Variants in ARID1B observed in about 807,000 individuals in gnomAD.
The protein encoded by ARID1B is AT-rich interaction domain 1B.
ARID1B carries 30 observed loss-of-function variants against 212.3 expected under a neutral mutation model. The ratio of observed to expected loss-of-function variants is 0.14; its 90% confidence interval spans 0.11 to 0.19. The LOEUF is 0.19. Among genes scored for constraint, ARID1B ranks in the 10% least tolerant of loss-of-function variants. The pLI is 1.00. For synonymous variants in ARID1B, 1,402 were observed against 1,301.7 expected (o/e 1.08, Z -1.66); for missense variants, 2,891 against 3,204.0 (o/e 0.90, Z 2.36).
At chr6:156,950,061 T>C (rs1793460687) in intron 4 of ARID1B, among the ~76,000 whole-genome samples, 1 of 152,248 alleles carries the variant, frequency 6.6e-6, no homozygotes, top group African/African-American at 2.4e-5. Context: ...TGTTAGTGAC[T>C]AGTGTTAGAC....
At chr6:157,076,958 A>G (rs1162610766) in intron 4 of ARID1B, among the ~76,000 whole-genome samples, 1 of 152,176 alleles carries the variant, frequency 6.6e-6, no homozygotes, top group African/African-American at 2.4e-5. Context: ...TTAAGAGACT[A>G]TAATCTTTAA....
rs1354185602 is a variant in ARID1B, at chr6:156,793,132, C to T, written c.1791+13661C>T. Among the ~76,000 whole-genome samples the T allele has an allele frequency of 6.0e-4, 91 of 152,112 alleles. 1 individual carries two copies. The highest frequency in any genetic ancestry group is 2.9e-5 in the Non-Finnish European group (2 of 67,988). ...CACAGCCCTAATATCAGATTAATAC[C>T]GGGGTGGGGGCATGAGGCATGGCTG... On this transcript the variant is annotated intron_variant, in intron 1 of 19. Coordinates refer to ENST00000636930, the MANE Select transcript of ARID1B (RefSeq NM_001374828.1).
At chr6:157,119,414 T>C (rs9322597) in intron 6 of ARID1B, among the ~76,000 whole-genome samples, 109,912 of 152,118 alleles carry the variant, frequency 0.72, 40,755 homozygotes, top group East Asian at 0.9. Context: ...CAGCCCCGGC[T>C]TCCTTTGCTG....
At chr6:157,103,527 T>A (rs111853628) in intron 5 of ARID1B, among the ~76,000 whole-genome samples, 7 of 152,326 alleles carry the variant, frequency 4.6e-5, no homozygotes, top group African/African-American at 1.7e-4. Flanking sequence ...TCTCAGTCCA[T>A]CCACTGTACA....
At chr6:156,906,651 T>C (rs945534564) in intron 3 of ARID1B, among the ~76,000 whole-genome samples, 1 of 151,572 alleles carries the variant, frequency 6.6e-6, no homozygotes, top group African/African-American at 2.4e-5. Flanking sequence ...GCACCTGTTG[T>C]TTCGGGCACT....
chr6:157,149,028 C>A, intron 8 of ARID1B, 77 bp downstream of exon 8: 1 of 1,422,626 alleles, frequency 7.0e-7, no homozygotes, highest in Non-Finnish European at 9.6e-7. Flanking sequence ...CACATAGCTG[C>A]ATTGTTCCCT....
intron 4 of ARID1B, among the ~76,000 whole-genome samples, chr6:156,966,386 C>CTTTTCTTTTTTCTTTTCTTTTT (rs1794748843): frequency 5.1e-5 from 2 of 38,916 alleles, no homozygotes; most frequent in Admixed American, 2.6e-4. Flanking sequence ...CTTTTCTTTT[C>CTTTTCTTTTTTCTTTTCTTTTT]TTTTTTTTTT....
chr6:157,021,688 C>T (rs1780286182), intron 4 of ARID1B, among the ~76,000 whole-genome samples: 2 of 152,262 alleles, frequency 1.3e-5, no homozygotes, highest in East Asian at 3.9e-4. Flanking sequence ...ACATTCCTTT[C>T]CGGGCAAGCG....
At chr6:157,184,036 G>C (rs1236010676) in intron 12 of ARID1B, among the ~76,000 whole-genome samples, 195 bp from the exon 13 acceptor site, 1 of 152,172 alleles carries the variant, frequency 6.6e-6, no homozygotes, top group Non-Finnish European at 1.5e-5. Context: ...TGCTTTTTCT[G>C]TTGCCATCAG....
intron 2 of ARID1B, among the ~76,000 whole-genome samples, chr6:156,883,608 C>T (rs894153140): frequency 1.4e-4 from 21 of 152,278 alleles, no homozygotes; most frequent in Admixed American, 9.2e-4. Context: ...CCCCAGCACT[C>T]GGCCCACGCT....
chr6:157,073,818 A>G (rs1365382874), intron 4 of ARID1B, among the ~76,000 whole-genome samples: 1 of 152,238 alleles, frequency 6.6e-6, no homozygotes, highest in East Asian at 1.9e-4. Context: ...GTATTTAACG[A>G]GCACAGATCT....
intron 6 of ARID1B, among the ~76,000 whole-genome samples, chr6:157,123,238 G>GCCCCC (rs145123304): frequency 3.6e-5 from 3 of 83,586 alleles, no homozygotes; most frequent in Admixed American, 2.7e-4. Context: ...CCCGCCCCCC[G>GCCCCC]CCCCCCCCCC....
At chr6:157,169,389 G>A (rs1194504042) in intron 9 of ARID1B, 5 of 152,184 alleles carry the variant, frequency 3.3e-5, no homozygotes, top group South Asian at 2.1e-4. Context: ...ATCCTCCTGT[G>A]TAGTGACAAA....
chr6:156,863,002 G>C (rs1785442214), intron 2 of ARID1B, among the ~76,000 whole-genome samples: 1 of 152,232 alleles, frequency 6.6e-6, no homozygotes, highest in South Asian at 2.1e-4. Context: ...CTGCGCCTTA[G>C]TTGCACGTGA....
chr6:157,094,845 G>A lies in ARID1B; in HGVS notation c.2491+9940G>A, dbSNP rs1010720304. On this transcript the variant is annotated intron_variant, in intron 5 of 19. Coordinates refer to ENST00000636930, the MANE Select transcript of ARID1B (RefSeq NM_001374828.1). The surrounding 1 kb of genome is among the most constrained non-coding windows in gnomAD (Gnocchi z 4.3). ...GGAGTGTTGATGGCCGCTTGGATGT[G>A]CACATAGCGGGAGTAGTGGCAGAAG... Among the ~76,000 whole-genome samples the A allele has an allele frequency of 6.6e-6, 1 of 152,192 alleles. No individual in the cohort carries two copies. Among genetic ancestry groups the A allele is most frequent in the African/African-American group, 2.4e-5 (1 of 41,424 alleles).
intron 8 of ARID1B, chr6:157,149,184 T>C (rs1234212678): frequency 1.9e-6 from 1 of 539,994 alleles, no homozygotes; most frequent in Admixed American, 3.1e-5. Context: ...AGCACATCAG[T>C]CGTGGGAGGT....
rs536936992 is a variant in ARID1B, at chr6:157,070,613, A to G, written c.2248-14049A>G. Among the ~76,000 whole-genome samples, 3 of 152,360 alleles carry G rather than the reference A, an allele frequency of 2.0e-5. No homozygotes were observed. In the East Asian group the frequency reaches 5.8e-4, roughly 29 times the overall value. On this transcript the variant is annotated intron_variant, in intron 4 of 19. Coordinates refer to ENST00000636930, the MANE Select transcript of ARID1B (RefSeq NM_001374828.1). ...AGTGCTAAGGGTAGTCAATCAGGCC[A>G]GGAGTTCAGGTATGAAGTTCTGGAG...
In ARID1B at chr6:157,029,100, A is replaced by G. The variant is rs147665035; in HGVS notation, c.2248-55562A>G. ...ATTTTATTGCCATCAGTTTATAAGA[A>G]CTAATCCTTTTTAAGGAATTTAAGG... On this transcript the variant is annotated intron_variant, in intron 4 of 19. Coordinates refer to ENST00000636930, the MANE Select transcript of ARID1B (RefSeq NM_001374828.1). Among the ~76,000 whole-genome samples, 752 of 152,316 alleles carry G rather than the reference A, an allele frequency of 4.9e-3. 4 individuals are homozygous for G. Among genetic ancestry groups the G allele is most frequent in the African/African-American group, 0.017 (716 of 41,556 alleles).
intron 2 of ARID1B, among the ~76,000 whole-genome samples, chr6:156,891,940 C>T (rs145287269): frequency 6.8e-6 from 1 of 147,510 alleles, no homozygotes; most frequent in African/African-American, 2.5e-5. Flanking sequence ...GGCGCAATTT[C>T]GGCTCACTGC....
Sources: allele counts gnomAD v4.1 joint callset (sites outside exome capture counted in the v4.1 genomes callset), GRCh38; gene constraint gnomAD v4.1.1; non-coding constraint Gnocchi (gnomAD v3.1); transcripts MANE v1.5; gene names NCBI Gene and HGNC (gene_info 2026-07-23, HGNC 2026-07-21).